Variants in SLC14A2 observed in about 807,000 individuals in gnomAD.
SLC14A2 encodes urea transporter 2.
Under a neutral mutation model 104.6 loss-of-function variants are expected in SLC14A2, and 91 were observed. The observed-to-expected ratio is 0.87, with a 90% CI of 0.73 to 1.04. SLC14A2 has a LOEUF of 1.04. SLC14A2 is among the 50% of genes least tolerant of loss of function. The probability of loss-of-function intolerance (pLI) is 0.00; values close to 1 mark genes in which losing one functional copy is unlikely to be tolerated. For synonymous variants in SLC14A2, 476 were observed against 466.4 expected, an observed-to-expected ratio of 1.02 and a Z score of -0.27; for missense variants, 1,189 against 1,156.0, an observed-to-expected ratio of 1.03 and a Z score of -0.41.
chr18:45,183,012 A>G, the SLC14A2 span, among the ~76,000 whole-genome samples: 1 of 152,244 alleles, frequency 6.6e-6, no homozygotes, highest in Non-Finnish European at 1.5e-5. Flanking sequence ...TGACTAGAAC[A>G]GTATAAATGG....
chr18:45,514,344 C>G (rs8093904), intron 2 of SLC14A2, among the ~76,000 whole-genome samples: 7,428 of 152,122 alleles, frequency 0.049, 227 homozygotes, highest in Middle Eastern at 0.095. Context: ...TTCAAACAAC[C>G]AGATCTTGTG....
intron 1 of SLC14A2, among the ~76,000 whole-genome samples, chr18:45,468,572 G>A (rs1340438650): frequency 6.6e-6 from 1 of 152,010 alleles, no homozygotes; most frequent in Admixed American, 6.6e-5. Context: ...TGCATTGCCT[G>A]CAACACCGTA....
chr18:45,674,727 T>C (rs919015802), intron 18 of SLC14A2, among the ~76,000 whole-genome samples: 2 of 152,232 alleles, frequency 1.3e-5, no homozygotes, highest in East Asian at 3.9e-4. Context: ...ATTCTCAAGG[T>C]TGGTATTACT....
rs1251547084 is a variant in SLC14A2, at chr18:45,665,814, T to A, written c.1475-323T>A. On this transcript the variant is annotated intron_variant, in intron 11 of 19. Coordinates refer to ENST00000255226, the MANE Select transcript of SLC14A2 (RefSeq NM_007163.4). ...CTCTCCAGGCTGCTGTTTCCTCATC[T>A]AAAAAATTATCAAGGTTGAGCTAAA... 2.1e-5 allele frequency among the ~76,000 whole-genome samples: 3 copies of A among 145,614 alleles called. 1 individual carries two copies. The highest frequency in any genetic ancestry group is 4.5e-5 in the Non-Finnish European group (3 of 66,700).
At chr18:45,660,137 A>C (rs1045586558) in intron 10 of SLC14A2, among the ~76,000 whole-genome samples, 2 of 152,166 alleles carry the variant, frequency 1.3e-5, no homozygotes, top group Non-Finnish European at 2.9e-5. Context: ...TGTCTCAAAA[A>C]AATATTAAAA....
At chr18:45,403,514 G>T (rs1439410961) in intron 1 of SLC14A2, among the ~76,000 whole-genome samples, 7 of 152,112 alleles carry the variant, frequency 4.6e-5, no homozygotes, top group Non-Finnish European at 7.4e-5. Flanking sequence ...TTTTGCTTTG[G>T]GTTGCCTCTG....
At chr18:45,575,533 C>T (rs560838698) in intron 2 of SLC14A2, among the ~76,000 whole-genome samples, 2 of 152,100 alleles carry the variant, frequency 1.3e-5, no homozygotes, top group African/African-American at 2.4e-5. Context: ...TTCAGAAGCT[C>T]GTCTCATCAC....
intron 1 of SLC14A2, among the ~76,000 whole-genome samples, chr18:45,270,911 T>C (rs957239958): frequency 3.3e-5 from 5 of 152,142 alleles, no homozygotes; most frequent in African/African-American, 1.2e-4. Context: ...AAAAATACTC[T>C]AAAAAAGTGA....
intron 1 of SLC14A2, among the ~76,000 whole-genome samples, chr18:45,474,831 C>A (rs2087326775): frequency 6.6e-6 from 1 of 152,128 alleles, no homozygotes; most frequent in Non-Finnish European, 1.5e-5. Context: ...AAAACCAGCT[C>A]CTGGATTCAT....
intron 1 of SLC14A2, among the ~76,000 whole-genome samples, chr18:45,275,221 T>C (rs1599635230): frequency 6.6e-6 from 1 of 152,140 alleles, no homozygotes; most frequent in East Asian, 1.9e-4. Flanking sequence ...GTGCAAAGAA[T>C]AAAAAGATGG....
intron 2 of SLC14A2, among the ~76,000 whole-genome samples, chr18:45,576,201 G>A (rs150403069): frequency 1.9e-3 from 289 of 151,108 alleles, no homozygotes; most frequent in African/African-American, 6.7e-3. Flanking sequence ...GAGCTGATGG[G>A]CACTTCCTGC....
intron 2 of SLC14A2, among the ~76,000 whole-genome samples, chr18:45,546,736 T>A (rs1285103583): frequency 6.6e-6 from 1 of 152,212 alleles, no homozygotes; most frequent in African/African-American, 2.4e-5. Context: ...ATCTGTAAAA[T>A]GGGTATACTA....
intron 2 of SLC14A2, among the ~76,000 whole-genome samples, chr18:45,553,597 G>T (rs1291734477): frequency 6.6e-6 from 1 of 152,072 alleles, no homozygotes; most frequent in African/African-American, 2.4e-5. Flanking sequence ...ATTCTCGAGG[G>T]CCCTTTACTA....
intron 18 of SLC14A2, among the ~76,000 whole-genome samples, chr18:45,674,572 T>C (rs1191282866): frequency 6.6e-6 from 1 of 152,032 alleles, no homozygotes; most frequent in Non-Finnish European, 1.5e-5. Flanking sequence ...AATTACTTTT[T>C]GCTACACCAA....
At chr18:45,267,895 C>T (rs948791462) in intron 1 of SLC14A2, among the ~76,000 whole-genome samples, 1 of 152,172 alleles carries the variant, frequency 6.6e-6, no homozygotes, top group Admixed American at 6.5e-5. Flanking sequence ...TTGTAGAGAA[C>T]AGTTTGGCGT....
chr18:45,431,268 T>C (rs1428693348), intron 1 of SLC14A2, among the ~76,000 whole-genome samples: 1 of 152,088 alleles, frequency 6.6e-6, no homozygotes, highest in Non-Finnish European at 1.5e-5. Context: ...TAAAAATATA[T>C]TACACGTCTA....
intron 2 of SLC14A2, chr18:45,527,839 G>A (rs1006487153): frequency 2.0e-5 from 3 of 152,154 alleles, no homozygotes; most frequent in Non-Finnish European, 4.4e-5. Flanking sequence ...TGTCTACTAT[G>A]CACAATTTCT....
intron 1 of SLC14A2, among the ~76,000 whole-genome samples, chr18:45,411,937 A>G (rs2086219664): frequency 6.6e-6 from 1 of 152,120 alleles, no homozygotes; most frequent in South Asian, 2.1e-4. Context: ...TTCCCTGGAG[A>G]CACCCTCTCC....
At chr18:45,552,183 G>A (rs1342631207) in intron 2 of SLC14A2, among the ~76,000 whole-genome samples, 1 of 152,174 alleles carries the variant, frequency 6.6e-6, no homozygotes, top group Non-Finnish European at 1.5e-5. Context: ...ACAGGAGAAT[G>A]AAATGGGCCC....
Sources: gnomAD v4.1 joint callset for allele counts (sites outside exome capture counted in the v4.1 genomes callset) on GRCh38, gnomAD v4.1.1 for gene constraint, MANE v1.5 for transcripts, NCBI Gene and HGNC (gene_info 2026-07-23, HGNC 2026-07-21) for gene names.